EEF2: variants seen among roughly 807,000 people sequenced by gnomAD.
The protein encoded by EEF2 is elongation factor 2.
A neutral mutation model predicts 85.3 loss-of-function variants in EEF2; 21 were observed. The observed-to-expected ratio is 0.25, with a 90% CI of 0.17 to 0.35. The LOEUF (loss-of-function observed/expected upper bound fraction) is 0.35. Ranked by LOEUF, EEF2 falls within the 10% of genes least tolerant of loss-of-function variation. The probability of loss-of-function intolerance (pLI) is 1.00; values close to 1 mark genes in which losing one functional copy is unlikely to be tolerated. For missense variants in EEF2, 825 were observed against 1,225.3 expected (o/e 0.67, Z 4.88); for synonymous variants, 723 against 508.8 (o/e 1.42, Z -5.67).
rs746522609 is a variant in EEF2 at position 3,981,420 on chromosome 19, C to A, written c.930G>T (p.Glu310Asp). The change falls in exon 7 of 15, where the codon GAG (glutamate) becomes GAT (aspartate). Residue 310 changes from glutamate (E) to aspartate (D), a missense_variant. Coordinates refer to ENST00000309311, the MANE Select transcript of EEF2 (RefSeq NM_001961.4). The part of the protein sequence containing the change: ...VFDAIMNFKK[E>D]ETAKLIEKLD... ...GTTTCTCTATCAGTTTTGCTGTCTCCTCTTTCTTGAAATTCATGATCGCAT... is the reference window on the plus strand; with the variant it reads ...GTTTCTCTATCAGTTTTGCTGTCTCATCTTTCTTGAAATTCATGATCGCAT... 4 of 1,614,118 alleles carry A rather than the reference C, an allele frequency of 2.5e-6. No homozygotes were observed. The African/African-American group carries it at 5.3e-5, about 22-fold the overall frequency.
At chr19:3,984,065 C>T in intron 2 of EEF2, 71 bp downstream of exon 2, 2 of 1,561,760 alleles carry the variant, frequency 1.3e-6, no homozygotes, top group Non-Finnish European at 1.8e-6. Flanking sequence ...CCCCGCGCAC[C>T]CTGGCCCAGT....
In EEF2 at chr19:3,977,760, T is replaced by C. The variant is rs546708059; in HGVS notation, c.2067+59A>G. On this transcript the variant is annotated intron_variant, in intron 12 of 14. Coordinates refer to ENST00000309311, the MANE Select transcript of EEF2 (RefSeq NM_001961.4). This position sits in a 1 kb window ranked among gnomAD's most constrained non-coding sequence, Gnocchi z 5.4. The stretch of plus-strand genomic sequence containing the variant: ...GTCTCTGTCTCGGGAGGCAGGACCA[T>C]GAGGTCCCTCTAGAGCCTGGAAACG... 31 of 1,501,646 alleles carry C rather than the reference T, an allele frequency of 2.1e-5. No individual in the cohort carries two copies. The highest frequency in any genetic ancestry group is 4.6e-5 in the East Asian group (2 of 43,630). 93.0% of individuals were successfully genotyped at this position (1,501,646 alleles called of 1,614,324 possible).
chr19:3,981,141 C>G (rs1188931359), intron 7 of EEF2, among the ~76,000 whole-genome samples, 162 bp from the exon 8 acceptor site: 1 of 152,250 alleles, frequency 6.6e-6, no homozygotes, highest in South Asian at 2.1e-4. Flanking sequence ...ACACTCCTGC[C>G]AAGGCCCTCA....
chr19:3,978,678 G>A (rs566270259), intron 11 of EEF2, among the ~76,000 whole-genome samples: 3 of 151,426 alleles, frequency 2.0e-5, no homozygotes, highest in East Asian at 2.0e-4. Context: ...GATGGCAGGC[G>A]CCTGAAGTCC....
In EEF2 at chr19:3,977,053, T is replaced by C. The variant is rs1225972983; in HGVS notation, c.2383+162A>G. 6.6e-6 allele frequency among the ~76,000 whole-genome samples: 1 copy of C among 152,180 alleles called. No homozygotes were observed. Among genetic ancestry groups the C allele is most frequent in the African/African-American group, 2.4e-5 (1 of 41,440 alleles). On this transcript the variant is annotated intron_variant, in intron 14 of 14. Transcript: ENST00000309311. This position sits in a 1 kb window ranked among gnomAD's most constrained non-coding sequence, Gnocchi z 5.4. ...GAGAGCCCCTCCCCTGGGAATTCAG[T>C]GATTTAGGGGGTCCACAAGCTGTCA...
At chr19:3,984,599 G>A (rs1385188828) in intron 1 of EEF2, among the ~76,000 whole-genome samples, 2 of 152,236 alleles carry the variant, frequency 1.3e-5, no homozygotes, top group Non-Finnish European at 2.9e-5. Context: ...GAATAAAACT[G>A]AGTGTCAACA....
Position 3,977,891 on chromosome 19 carries a change from G to A in EEF2, c.1995C>T (p.Ile665=), listed in dbSNP as rs1568198848. ...CGTTGAGGTACTGCACACCCTTGGT[G>A]ATGTCGGTGAGGATGTTGGGGCCGG... ...DGTGPNILTD[I]TKGVQYLNEI... The change falls in exon 12 of 15, where the codon ATC becomes ATT. Residue 665 remains isoleucine (I), a synonymous_variant. Coordinates refer to ENST00000309311, the MANE Select transcript of EEF2 (RefSeq NM_001961.4). This position sits in a 1 kb window ranked among gnomAD's most constrained non-coding sequence, Gnocchi z 5.4. The A allele has an allele frequency of 6.2e-7, 1 of 1,613,638 alleles. No individual in the cohort carries two copies. Among genetic ancestry groups the A allele is most frequent in the East Asian group, 2.2e-5 (1 of 44,868 alleles).
chr19:3,980,696 A>G lies in EEF2; in HGVS notation c.1164T>C (p.Cys388=), dbSNP rs1198227519. The part of the protein sequence containing the change: ...DDEAAMGIKS[C]DPKGPLMMYI... ...ACATCATAAGAGGGCCTTTGGGGTC[A>G]CAGCTTTTAATGCCTGAGGGACAGA... Residue 388 remains cysteine (C), a synonymous_variant, in exon 9 of 15, where the codon TGT becomes TGC. Transcript: ENST00000309311. The G allele has an allele frequency of 1.9e-6, 3 of 1,613,508 alleles. No homozygotes were observed. The highest frequency in any genetic ancestry group is 1.7e-4 in the Middle Eastern group (1 of 6,060).
At position 3,976,608 on chromosome 19, in the gene EEF2, G is replaced by A. The variant is rs1473399019; in HGVS notation, c.2523C>T (p.Arg841=). 6 of 1,610,754 alleles carry A rather than the reference G, an allele frequency of 3.7e-6. No homozygotes were observed. The highest frequency in any genetic ancestry group is 2.2e-5 in the East Asian group (1 of 44,782). The stretch of plus-strand genomic sequence containing the variant: ...CAGGGATGCCTTCTTTCAGGCCCTT[G>A]CGCTTGCGGGTCTCCGCCACCACCT... ...PSQVVAETRK[R]KGLKEGIPAL... is the part of the protein sequence containing the mutation. The change falls in exon 15 of 15, where the codon CGC becomes CGT. Residue 841 remains arginine (R), a synonymous_variant. Transcript: ENST00000309311.
chr19:3,984,725 G>A (rs1421077023), intron 1 of EEF2: 2 of 222,692 alleles, frequency 9.0e-6, no homozygotes. Flanking sequence ...AAACTTCCCC[G>A]AGCAAGAAGC....
intron 6 of EEF2, 112 bp downstream of exon 6, chr19:3,981,835 A>G: frequency 1.0e-6 from 1 of 959,346 alleles, no homozygotes; most frequent in Non-Finnish European, 1.6e-6. Flanking sequence ...CCCATCTCGC[A>G]TCTGCCCCAC....
rs2039677680 is a variant in EEF2, at chr19:3,976,192, C to T, written c.*362G>A. 3.9e-6 allele frequency: 1 copy of T among 259,592 alleles called. No individual in the cohort carries two copies. The highest frequency in any genetic ancestry group is 2.3e-5 in the African/African-American group (1 of 43,412). The allele number at this position is 259,592 out of a possible 1,614,324, so 16.1% of individuals were successfully genotyped here. A position where few individuals can be genotyped will look rare whatever the true frequency, so the allele number is the denominator to read the frequency against. ...TTTCCCCTTTCTGGGGCAAAAGCCA[C>T]TGCGGGCCATGTACCCAAATAAACC... On this transcript the variant is annotated 3_prime_UTR_variant, in exon 15 of 15. Transcript: ENST00000309311.
At position 3,978,017 on chromosome 19, in the gene EEF2, G is replaced by A. The variant is rs147570651; in HGVS notation, c.1869C>T (p.Ser623=). ...CCCGCTGCTTGAGCTCCTGACGGGC[G>A]GACACCTCGCCTTTATCGATGTCCT... ...LAEDIDKGEV[S]ARQELKQRAR... The change falls in exon 12 of 15, where the codon TCC becomes TCT. Residue 623 remains serine, a synonymous_variant. Transcript: ENST00000309311. The A allele has an allele frequency of 1.1e-4, 181 of 1,610,094 alleles. 3 individuals are homozygous for A. The South Asian group carries it at 1.5e-3, about 13-fold the overall frequency.
At position 3,978,167 on chromosome 19, in the gene EEF2, A is replaced by G; in HGVS notation, c.1719T>C (p.Ser573=). ...EDHACIPIKK[S]DPVVSYRETV... ...TCTCGCGGTACGAGACGACCGGGTC[A>G]GATTTCTGCAAAAAGAGGTTAAGTC... The change falls in exon 12 of 15, where the codon TCT becomes TCC. Residue 573 remains serine, a synonymous_variant. Transcript: ENST00000309311. The G allele has an allele frequency of 1.4e-6, 2 of 1,443,964 alleles. No individual in the cohort carries two copies. Among genetic ancestry groups the G allele is most frequent in the Non-Finnish European group, 1.8e-6 (2 of 1,092,792 alleles). 89.4% of individuals were successfully genotyped at this position (1,443,964 alleles called of 1,614,324 possible). A position where few individuals can be genotyped will look rare whatever the true frequency, so the allele number is the denominator to read the frequency against.
Position 3,977,602 on chromosome 19 carries a change from C to T in EEF2, c.2076G>A (p.Leu692=), listed in dbSNP as rs747615893. Reference sequence around the variant, plus strand: ...GCACACCCCGCATGTTCTCCTCACACAGTGCGCCCTGGGGGAGGGGGAGAG... The same window carrying T: ...GCACACCCCGCATGTTCTCCTCACATAGTGCGCCCTGGGGGAGGGGGAGAG... ...GFQWATKEGA[L]CEENMRGVRF... is the part of the protein sequence containing the mutation. Residue 692 remains leucine (L), a synonymous_variant, in exon 13 of 15, where the codon CTG becomes CTA. Coordinates refer to ENST00000309311, the MANE Select transcript of EEF2 (RefSeq NM_001961.4). This position sits in a 1 kb window ranked among gnomAD's most constrained non-coding sequence, Gnocchi z 5.4. The T allele has an allele frequency of 1.3e-6, 2 of 1,523,804 alleles. No homozygotes were observed. Among genetic ancestry groups the T allele is most frequent in the Non-Finnish European group, 1.8e-6 (2 of 1,139,680 alleles). 94.4% of individuals were successfully genotyped at this position (1,523,804 alleles called of 1,614,324 possible).
At chr19:3,983,812 G>A (rs960996366) in intron 2 of EEF2, 14 of 413,212 alleles carry the variant, frequency 3.4e-5, no homozygotes, top group African/African-American at 1.6e-4. Flanking sequence ...GCTTCCCAGC[G>A]TCCCAAGCAC....
chr19:3,976,773 T>C lies in EEF2; in HGVS notation c.2384-26A>G, dbSNP rs781092688. ...CTGCAGAGGGAAGCGAGAGGCTCAC[T>C]GGGCCATCGAGAAGGTGGCAGGGCA... is the stretch of plus-strand genomic sequence containing the variant. On this transcript the variant is annotated intron_variant, in intron 14 of 14. Transcript: ENST00000309311. The C allele has an allele frequency of 4.0e-6, 6 of 1,512,778 alleles. No individual in the cohort carries two copies. The Admixed American group carries it at 8.7e-5, about 22-fold the overall frequency. The allele number at this position is 1,512,778 out of a possible 1,614,324, so 93.7% of individuals were successfully genotyped here. A position where few individuals can be genotyped will look rare whatever the true frequency, so the allele number is the denominator to read the frequency against.
At chr19:3,981,539 C>G (rs144179088) in intron 6 of EEF2, 87 bp from the exon 7 acceptor site, 329 of 1,268,244 alleles carry the variant, frequency 2.6e-4, no homozygotes, top group Non-Finnish European at 3.6e-4. Flanking sequence ...AGACTCAGGT[C>G]AGCGCAGGGG....
chr19:3,981,223 G>T (rs573486729), intron 7 of EEF2, 116 bp downstream of exon 7: 2 of 1,146,418 alleles, frequency 1.7e-6, no homozygotes, highest in Non-Finnish European at 2.5e-6. Flanking sequence ...AAAGCGAAAG[G>T]GGCAGCAGCT....
Sources: gnomAD v4.1 joint callset for allele counts (sites outside exome capture counted in the v4.1 genomes callset) on GRCh38, gnomAD v4.1.1 for gene constraint, Gnocchi (gnomAD v3.1) non-coding constraint, MANE v1.5 for transcripts, NCBI Gene and HGNC (gene_info 2026-07-23, HGNC 2026-07-21) for gene names.